LTBP1: variants seen among roughly 807,000 people sequenced by gnomAD.
The protein encoded by LTBP1 is latent-transforming growth factor beta-binding protein 1.
In LTBP1, 129 loss-of-function variants were observed where a neutral mutation model predicts 207.6. The ratio of observed to expected loss-of-function variants is 0.62; its 90% CI spans 0.54 to 0.72. LTBP1 has a LOEUF of 0.72. LTBP1 is among the 30% of genes least tolerant of loss of function. LTBP1 has a pLI of 0.00. For missense variants in LTBP1, 2,281 were observed against 2,217.2 expected (o/e 1.03, Z -0.58); for synonymous variants, 963 against 833.7 (o/e 1.16, Z -2.67).
chr2:33,005,268 A>G (rs1224110243), intron 2 of LTBP1, among the ~76,000 whole-genome samples: 1 of 152,198 alleles, frequency 6.6e-6, no homozygotes, highest in African/African-American at 2.4e-5. Context: ...TGCTCCATGT[A>G]TCAGCGTGGA....
intron 30 of LTBP1, among the ~76,000 whole-genome samples, chr2:33,364,568 G>A (rs955628653): frequency 3.3e-5 from 5 of 152,210 alleles, no homozygotes; most frequent in African/African-American, 1.2e-4. Flanking sequence ...TACTCATTAA[G>A]TATGGACTAT....
In LTBP1 at chr2:33,263,297, T is replaced by A; in HGVS notation, c.2522T>A (p.Val841Glu). ...TATCCTCTGCTTCCTCATATAGTAG[T>A]GATTGAAAAAACATCACCTCCTGTG... ...TIHLHPQFPVVIEKTSPPVPV... is the reference protein window; with the variant it reads ...TIHLHPQFPVEIEKTSPPVPV... The change falls in exon 15 of 34, where the codon GTG (valine) becomes GAG (glutamate). Residue 841 changes from valine to glutamate, a missense_variant. Physicochemically the swap from Val to Glu is moderately radical, Grantham distance 121 (BLOSUM62 -2). This residue lies in a region of LTBP1 where 1,671 missense variants were observed against 1,634.8 expected (regional missense o/e 1.02). Transcript: ENST00000404816. 1 of 1,604,652 alleles carries A rather than the reference T, an allele frequency of 6.2e-7. No individual in the cohort carries two copies. The highest frequency in any genetic ancestry group is 8.5e-7 in the Non-Finnish European group (1 of 1,171,440).
At chr2:33,380,366 C>T (rs1319064199) in intron 31 of LTBP1, among the ~76,000 whole-genome samples, 2 of 147,168 alleles carry the variant, frequency 1.4e-5, no homozygotes. Flanking sequence ...CACCTGAGGT[C>T]AGGAGTTTGA....
intron 2 of LTBP1, among the ~76,000 whole-genome samples, chr2:32,968,939 G>A (rs1292714355): frequency 1.5e-4 from 21 of 137,100 alleles, no homozygotes; most frequent in African/African-American, 4.1e-4. Flanking sequence ...TTTTTGAGGC[G>A]GTGTCTCGCT....
At chr2:32,997,043 C>A (rs1238996460) in intron 2 of LTBP1, among the ~76,000 whole-genome samples, 1 of 152,088 alleles carries the variant, frequency 6.6e-6, no homozygotes, top group African/African-American at 2.4e-5. Flanking sequence ...CACCACCATG[C>A]CTGGCTAATT....
chr2:33,307,169 C>T (rs754260566), intron 22 of LTBP1, among the ~76,000 whole-genome samples: 3 of 152,178 alleles, frequency 2.0e-5, no homozygotes, highest in Admixed American at 1.3e-4. Context: ...GTGGAACAAT[C>T]GGAGTTCTCA....
intron 3 of LTBP1, among the ~76,000 whole-genome samples, chr2:33,079,260 A>G (rs910930779): frequency 6.6e-6 from 1 of 152,202 alleles, no homozygotes; most frequent in Non-Finnish European, 1.5e-5. Context: ...GGAGAAAACA[A>G]ATGAATAAGG....
chr2:33,390,325 C>T (rs148079879), intron 32 of LTBP1, among the ~76,000 whole-genome samples: 74 of 152,218 alleles, frequency 4.9e-4, no homozygotes, highest in African/African-American at 1.4e-3. Flanking sequence ...TCAAATCAGA[C>T]TTTTCAAATA....
rs8970 is a variant in LTBP1, at chr2:33,398,653, A to G, written c.*108A>G. The G allele has an allele frequency of 0.4, 439,734 of 1,111,464 alleles. 91,961 individuals carry two copies. Among genetic ancestry groups the G allele is most frequent in the East Asian group, 0.5 (19,258 of 38,560 alleles). 68.9% of individuals were successfully genotyped at this position (1,111,464 alleles called of 1,614,324 possible). ...ACCTACCCCGGAAGGCTGGAAATAC[A>G]GAAACAGCATGGAATTGCAAGTCCT... On this transcript the variant is annotated 3_prime_UTR_variant, in exon 34 of 34. Coordinates refer to ENST00000404816, the MANE Select transcript of LTBP1 (RefSeq NM_206943.4).
At chr2:33,071,248 C>T (rs536613005) in intron 3 of LTBP1, among the ~76,000 whole-genome samples, 177 of 152,314 alleles carry the variant, frequency 1.2e-3, no homozygotes, top group Non-Finnish European at 1.7e-3. Flanking sequence ...CGGAAGGCCT[C>T]ATTCATACCT....
At chr2:33,064,588 A>G (rs916952570) in intron 3 of LTBP1, among the ~76,000 whole-genome samples, 1 of 152,174 alleles carries the variant, frequency 6.6e-6, no homozygotes. Flanking sequence ...AGGAAATACC[A>G]TTCTTTAAAA....
intron 18 of LTBP1, among the ~76,000 whole-genome samples, chr2:33,278,552 A>C (rs991595384): frequency 6.6e-6 from 1 of 152,194 alleles, no homozygotes; most frequent in Non-Finnish European, 1.5e-5. Flanking sequence ...TTATTCTGTT[A>C]AGGTATTATA....
intron 31 of LTBP1, among the ~76,000 whole-genome samples, chr2:33,382,066 T>A: frequency 7.3e-6 from 1 of 136,716 alleles, no homozygotes; most frequent in East Asian, 2.3e-4. Context: ...GTTAGCGCCC[T>A]ACTGCTTCTT....
rs74921973 is a variant in LTBP1 at position 33,078,307 on chromosome 2, G to A, written c.864-32275G>A. Among the ~76,000 whole-genome samples the A allele has an allele frequency of 7.6e-3, 1,162 of 152,318 alleles. 13 individuals are homozygous for A. The highest frequency in any genetic ancestry group is 0.026 in the African/African-American group (1,077 of 41,566). ...TGACCTCACAAATAAATATTCTGGA[G>A]GGTGGAGTTGACAGAATTTTAGTGA... is the stretch of plus-strand genomic sequence containing the variant. On this transcript the variant is annotated intron_variant, in intron 3 of 33. Transcript: ENST00000404816.
intron 9 of LTBP1, among the ~76,000 whole-genome samples, chr2:33,242,352 T>G (rs1349701766): frequency 6.6e-6 from 1 of 152,218 alleles, no homozygotes; most frequent in African/African-American, 2.4e-5. Context: ...ATATCTCTCC[T>G]CTTTCAAATC....
At chr2:33,333,367 TG>T (rs2094518996) in intron 24 of LTBP1, among the ~76,000 whole-genome samples, 1 of 152,124 alleles carries the variant, frequency 6.6e-6, no homozygotes, top group Non-Finnish European at 1.5e-5. Context: ...TTTTTGGCAA[TG>T]GGGTTAGAGG....
chr2:33,056,523 A>G (rs1311073588), intron 3 of LTBP1: 10 of 647,642 alleles, frequency 1.5e-5, no homozygotes, highest in Non-Finnish European at 2.5e-5. Context: ...TGGTTGCAAA[A>G]ATGTGTCCAG....
At position 33,100,604 on chromosome 2, in the gene LTBP1, A is replaced by G. The variant is rs530240828; in HGVS notation, c.864-9978A>G. 2.4e-4 allele frequency among the ~76,000 whole-genome samples: 37 copies of G among 152,306 alleles called. No individual in the cohort carries two copies. In the Middle Eastern group the frequency reaches 0.01, roughly 42 times the overall value. ...TTCATTGTACAGTTCATGGAAGTACATGCACCGTGCTGTGCAACCATCACT... is the reference window on the plus strand; with the variant it reads ...TTCATTGTACAGTTCATGGAAGTACGTGCACCGTGCTGTGCAACCATCACT... On this transcript the variant is annotated intron_variant, in intron 3 of 33. Coordinates refer to ENST00000404816, the MANE Select transcript of LTBP1 (RefSeq NM_206943.4).
In LTBP1 at chr2:32,964,322, G is replaced by A. The variant is rs572315273; in HGVS notation, c.565+15377G>A. On this transcript the variant is annotated intron_variant, in intron 2 of 33. Transcript: ENST00000404816. ...AGCTGAAAAAGGAGCTGGTTTGCTTGTCCTGTGAAATAGGGACTGTTTTCC... is the reference window on the plus strand; with the variant it reads ...AGCTGAAAAAGGAGCTGGTTTGCTTATCCTGTGAAATAGGGACTGTTTTCC... Among the ~76,000 whole-genome samples, 15 of 152,320 alleles carry A rather than the reference G, an allele frequency of 9.8e-5. No individual in the cohort carries two copies. In the South Asian group the frequency reaches 2.5e-3, roughly 25 times the overall value.
Sources: allele counts gnomAD v4.1 joint callset (sites outside exome capture counted in the v4.1 genomes callset), GRCh38; gene constraint gnomAD v4.1.1; regional missense constraint gnomAD v4.1.1; transcripts MANE v1.5; gene names NCBI Gene and HGNC (gene_info 2026-07-23, HGNC 2026-07-21).